Variants in SPAG17 observed in about 807,000 individuals in gnomAD.
The protein encoded by SPAG17 is sperm associated antigen 17.
In SPAG17, 169 loss-of-function variants were observed where a neutral mutation model predicts 273.6. The observed-to-expected ratio is 0.62, with a 90% CI of 0.55 to 0.70. SPAG17 has a LOEUF of 0.70. Among genes scored for constraint, SPAG17 ranks in the 30% least tolerant of loss-of-function variants. The probability of loss-of-function intolerance (pLI) is 0.00; values close to 1 mark genes in which losing one functional copy is unlikely to be tolerated. For synonymous variants in SPAG17, 825 were observed against 873.2 expected (o/e 0.94, Z 0.97); for missense variants, 2,557 against 2,627.8 (o/e 0.97, Z 0.59).
chr1:118,110,649 C>T (rs890216803), intron 4 of SPAG17, among the ~76,000 whole-genome samples: 3 of 152,114 alleles, frequency 2.0e-5, no homozygotes, highest in Non-Finnish European at 4.4e-5. Flanking sequence ...GGCATTCCTC[C>T]TTGGTGAGTT....
rs141265968 is a variant in SPAG17 at position 117,963,815 on chromosome 1, T to G, written c.6656A>C (p.Lys2219Thr). 30 of 1,612,648 alleles carry G rather than the reference T, an allele frequency of 1.9e-5. No individual in the cohort carries two copies. Among genetic ancestry groups the G allele is most frequent in the Non-Finnish European group, 2.5e-5 (29 of 1,179,326 alleles). ...TTACTGTACCTAATGTGGAGAAACT[T>G]TACGAGACATGAAGACTCCAAGTGT... ...SSTLGVFMSRKVSPH is the reference protein window; with the variant it reads ...SSTLGVFMSRTVSPH The change falls in exon 48 of 49, where the codon AAA (lysine) becomes ACA (threonine). Residue 2219 changes from lysine to threonine, a missense_variant. Transcript: ENST00000336338.
Position 118,097,643 on chromosome 1 carries a change from T to C in SPAG17, c.1011+27A>G, listed in dbSNP as rs776002855. On this transcript the variant is annotated intron_variant, in intron 7 of 48. Coordinates refer to ENST00000336338, the MANE Select transcript of SPAG17 (RefSeq NM_206996.4). Reference sequence around the variant, plus strand: ...ACCACTGTGTCACATGTTAAAACCATGCACTCTCAGTAATGTGTGTACTAA... The same window carrying C: ...ACCACTGTGTCACATGTTAAAACCACGCACTCTCAGTAATGTGTGTACTAA... The C allele has an allele frequency of 2.0e-5, 30 of 1,527,000 alleles. No individual in the cohort carries two copies. In the Middle Eastern group the frequency reaches 7.0e-4, roughly 36 times the overall value. 94.6% of individuals were successfully genotyped at this position (1,527,000 alleles called of 1,614,324 possible). A position where few individuals can be genotyped will look rare whatever the true frequency, so the allele number is the denominator to read the frequency against.
chr1:118,121,437 C>T (rs560639025), intron 3 of SPAG17, among the ~76,000 whole-genome samples: 19 of 152,230 alleles, frequency 1.2e-4, no homozygotes, highest in South Asian at 6.2e-4. Context: ...CTGTTAGGAA[C>T]TGGGCCACAT....
At chr1:118,031,177 CTTTTTTTTT>C (rs1015324627) in intron 25 of SPAG17, among the ~76,000 whole-genome samples, 2 of 54,926 alleles carry the variant, frequency 3.6e-5, no homozygotes, top group African/African-American at 8.0e-5. Context: ...GAGGACTACT[CTTTTTTTTT>C]TTTTTTTTTT....
chr1:118,170,452 A>T (rs1660369104), intron 1 of SPAG17, among the ~76,000 whole-genome samples: 1 of 152,172 alleles, frequency 6.6e-6, no homozygotes, highest in African/African-American at 2.4e-5. Flanking sequence ...AGAGAGCCTC[A>T]AAGATTGGAT....
intron 4 of SPAG17, among the ~76,000 whole-genome samples, chr1:118,102,523 G>A (rs759436738): frequency 6.6e-6 from 1 of 152,192 alleles, no homozygotes; most frequent in African/African-American, 2.4e-5. Flanking sequence ...TGAAGAATGT[G>A]CAGACATAAC....
At chr1:118,042,080 A>G in intron 20 of SPAG17, 38 bp from the exon 21 acceptor site, 1 of 1,587,340 alleles carries the variant, frequency 6.3e-7, no homozygotes, top group Non-Finnish European at 8.5e-7. Flanking sequence ...GGATTTTTAA[A>G]CGAATTAAAC....
chr1:118,048,279 C>T (rs1650594573), intron 20 of SPAG17, among the ~76,000 whole-genome samples: 1 of 152,024 alleles, frequency 6.6e-6, no homozygotes, highest in Non-Finnish European at 1.5e-5. Context: ...ACTCCAGGCC[C>T]ACCTCCATGA....
intron 4 of SPAG17, among the ~76,000 whole-genome samples, chr1:118,108,716 T>C (rs1011287206): frequency 2.0e-5 from 3 of 152,128 alleles, no homozygotes; most frequent in Non-Finnish European, 2.9e-5. Context: ...TTTTTTTTTT[T>C]TTAATGCAGT....
chr1:118,030,921 T>C (rs983838131), intron 25 of SPAG17, among the ~76,000 whole-genome samples: 2 of 152,184 alleles, frequency 1.3e-5, no homozygotes, highest in African/African-American at 2.4e-5. Context: ...TGTGTCTTTA[T>C]AGTAGAATGA....
intron 19 of SPAG17, among the ~76,000 whole-genome samples, chr1:118,054,599 G>A (rs1316397322): frequency 6.6e-6 from 1 of 151,984 alleles, no homozygotes; most frequent in Non-Finnish European, 1.5e-5. Context: ...CTTTTCAGTA[G>A]AATTATAAAG....
At chr1:118,169,108 A>G (rs933558277) in intron 1 of SPAG17, among the ~76,000 whole-genome samples, 56 of 152,294 alleles carry the variant, frequency 3.7e-4, no homozygotes, top group African/African-American at 1.2e-3. Flanking sequence ...CCAAACTCAT[A>G]CTGGCAACAC....
At chr1:118,037,682 T>G (rs79270832) in intron 23 of SPAG17, among the ~76,000 whole-genome samples, 4,814 of 152,244 alleles carry the variant, frequency 0.032, 231 homozygotes, top group African/African-American at 0.11. Flanking sequence ...TATGTTTTAG[T>G]TTTTCGTGGC....
chr1:118,013,672 T>C (rs1345998078), intron 29 of SPAG17, among the ~76,000 whole-genome samples: 5 of 152,194 alleles, frequency 3.3e-5, no homozygotes, highest in African/African-American at 1.2e-4. Context: ...TTAGTAATTA[T>C]TGATAGCGGT....
rs191918211 is a variant in SPAG17, at chr1:118,050,961, T to C, written c.2814+3041A>G. Reference sequence around the variant, plus strand: ...ATCAACAAAGCGAAGAAATAACCTATGGAATAGGACATAATATTTGAAAAC... The same window carrying C: ...ATCAACAAAGCGAAGAAATAACCTACGGAATAGGACATAATATTTGAAAAC... On this transcript the variant is annotated intron_variant, in intron 20 of 48. Coordinates refer to ENST00000336338, the MANE Select transcript of SPAG17 (RefSeq NM_206996.4). Among the ~76,000 whole-genome samples, 555 of 151,862 alleles carry C rather than the reference T, an allele frequency of 3.7e-3. 4 individuals carry two copies. Among genetic ancestry groups the C allele is most frequent in the African/African-American group, 0.013 (529 of 41,186 alleles).
intron 47 of SPAG17, chr1:117,966,239 A>G (rs763487353): frequency 1.9e-4 from 30 of 161,200 alleles, no homozygotes; most frequent in Non-Finnish European, 2.7e-4. Context: ...ATAAGGAGGA[A>G]TGCATGCATA....
chr1:118,183,785 C>G (rs1164504477), intron 1 of SPAG17, among the ~76,000 whole-genome samples: 2 of 152,172 alleles, frequency 1.3e-5, no homozygotes, highest in Non-Finnish European at 2.9e-5. Flanking sequence ...GAAATGTTCA[C>G]TCCAAGACCA....
chr1:118,018,930 G>C (rs4659064), intron 28 of SPAG17, among the ~76,000 whole-genome samples: 55,366 of 151,204 alleles, frequency 0.37, 11,217 homozygotes, highest in Non-Finnish European at 0.46. Context: ...AGCTACTCTA[G>C]TGGCTGAGAT....
chr1:118,028,749 T>C (rs1557928231), intron 25 of SPAG17, among the ~76,000 whole-genome samples: 1 of 152,170 alleles, frequency 6.6e-6, no homozygotes, highest in Non-Finnish European at 1.5e-5. Flanking sequence ...AGTGCTGGCA[T>C]CTGAATGTTG....
Sources: gnomAD v4.1 joint callset for allele counts (sites outside exome capture counted in the v4.1 genomes callset) on GRCh38, gnomAD v4.1.1 for gene constraint, MANE v1.5 for transcripts, NCBI Gene and HGNC (gene_info 2026-07-23, HGNC 2026-07-21) for gene names.